NIPBL: variants seen among roughly 807,000 people sequenced by gnomAD.
The protein encoded by NIPBL is nipped-B-like protein.
Under a neutral mutation model 321.8 loss-of-function variants are expected in NIPBL, and 19 were observed. The ratio of observed to expected loss-of-function variants is 0.06; its 90% CI spans 0.04 to 0.09. NIPBL has a LOEUF of 0.09. Ranked by LOEUF, NIPBL falls within the 10% of genes least tolerant of loss-of-function variation. The probability of loss-of-function intolerance (pLI) is 1.00; values close to 1 mark genes in which losing one functional copy is unlikely to be tolerated. For synonymous variants in NIPBL, 1,106 were observed against 1,114.1 expected (o/e 0.99, Z 0.14); for missense variants, 2,210 against 3,327.0 (o/e 0.66, Z 8.26).
intron 1 of NIPBL, among the ~76,000 whole-genome samples, chr5:36,884,000 A>G (rs1745694984): frequency 1.3e-5 from 2 of 152,108 alleles, no homozygotes; most frequent in Admixed American, 6.5e-5. Flanking sequence ...CTGAAATGTC[A>G]TGACCTGAAA....
intron 5 of NIPBL, 51 bp from the exon 6 acceptor site, chr5:36,962,072 G>C (rs536085162): frequency 6.3e-7 from 1 of 1,595,756 alleles, no homozygotes; most frequent in South Asian, 1.1e-5. Flanking sequence ...TCAAGGAATA[G>C]CGTGTTTATT....
intron 1 of NIPBL, among the ~76,000 whole-genome samples, chr5:36,941,947 A>G (rs773355110): frequency 2.0e-5 from 3 of 152,122 alleles, no homozygotes; most frequent in Non-Finnish European, 4.4e-5. Context: ...ATCATCCTTA[A>G]TTTGTATACT....
rs752712476 is a variant in NIPBL at position 37,000,898 on chromosome 5, T to C, written c.3574+10T>C. 1 of 1,604,888 alleles carries C rather than the reference T, an allele frequency of 6.2e-7. No individual in the cohort carries two copies. Among genetic ancestry groups the C allele is most frequent in the South Asian group, 1.1e-5 (1 of 90,880 alleles). ...AAACTAACACCTGAAGGTAACACGT[T>C]AGTTTATTTAATTTGTCTTTATTCA... On this transcript the variant is annotated intron_variant, in intron 13 of 46. Transcript: ENST00000282516.
intron 6 of NIPBL, among the ~76,000 whole-genome samples, chr5:36,967,001 T>G (rs1399987600): frequency 6.6e-6 from 1 of 151,940 alleles, no homozygotes; most frequent in Non-Finnish European, 1.5e-5. Flanking sequence ...AGAACATAAA[T>G]ATATAAATTA....
intron 1 of NIPBL, among the ~76,000 whole-genome samples, chr5:36,901,728 C>T (rs768361778): frequency 7.9e-5 from 12 of 152,082 alleles, no homozygotes; most frequent in Middle Eastern, 3.4e-3. Flanking sequence ...AGGCTGGTCT[C>T]GAACTCCTGA....
chr5:37,021,738 A>T (rs1478148348), intron 27 of NIPBL, among the ~76,000 whole-genome samples: 1 of 152,222 alleles, frequency 6.6e-6, no homozygotes, highest in African/African-American at 2.4e-5. Context: ...TTTGAATGAT[A>T]CTAAATATCT....
At chr5:36,967,364 C>T (rs1742321227) in intron 6 of NIPBL, among the ~76,000 whole-genome samples, 1 of 151,898 alleles carries the variant, frequency 6.6e-6, no homozygotes, top group Non-Finnish European at 1.5e-5. Context: ...ATTCATATAC[C>T]TCACTCAGTA....
chr5:36,992,498 T>G (rs956974572), intron 10 of NIPBL, among the ~76,000 whole-genome samples: 1 of 152,078 alleles, frequency 6.6e-6, no homozygotes, highest in Non-Finnish European at 1.5e-5. Flanking sequence ...TTAAACTGAG[T>G]TAGTTATCCA....
At chr5:36,918,412 A>G (rs1450377753) in intron 1 of NIPBL, among the ~76,000 whole-genome samples, 1 of 152,282 alleles carries the variant, frequency 6.6e-6, no homozygotes, top group Non-Finnish European at 1.5e-5. Flanking sequence ...TATCAGCCTA[A>G]GGAGATTTTG....
At chr5:36,925,414 A>T (rs1749277475) in intron 1 of NIPBL, among the ~76,000 whole-genome samples, 1 of 151,820 alleles carries the variant, frequency 6.6e-6, no homozygotes, top group Non-Finnish European at 1.5e-5. Flanking sequence ...GATTACAGGC[A>T]TGTACCACCA....
intron 42 of NIPBL, among the ~76,000 whole-genome samples, chr5:37,053,133 A>T (rs532608154): frequency 4.6e-5 from 7 of 152,304 alleles, no homozygotes; most frequent in African/African-American, 1.7e-4. Context: ...GGAGAAATGC[A>T]TAGTTAGGCG....
chr5:36,929,143 C>G (rs1749583991), intron 1 of NIPBL, among the ~76,000 whole-genome samples: 1 of 152,132 alleles, frequency 6.6e-6, no homozygotes, highest in African/African-American at 2.4e-5. Flanking sequence ...TCAAGTTTCT[C>G]TACATCTTCA....
chr5:37,013,875 G>T (rs1396116513), intron 21 of NIPBL, among the ~76,000 whole-genome samples: 1 of 152,238 alleles, frequency 6.6e-6, no homozygotes, highest in African/African-American at 2.4e-5. Flanking sequence ...GGTGGAGGTT[G>T]TAGCCAGCCG....
At chr5:37,006,201 T>C (rs1427124965) in intron 16 of NIPBL, among the ~76,000 whole-genome samples, 156 bp from the exon 17 acceptor site, 1 of 152,076 alleles carries the variant, frequency 6.6e-6, no homozygotes, top group African/African-American at 2.4e-5. Context: ...GTGCTCAAAG[T>C]AGTATCAGTA....
At chr5:37,026,723 T>G (rs1368265260) in intron 31 of NIPBL, among the ~76,000 whole-genome samples, 1 of 152,144 alleles carries the variant, frequency 6.6e-6, no homozygotes, top group Non-Finnish European at 1.5e-5. Context: ...AGCTATACAT[T>G]TTGTGTTTTT....
chr5:36,974,325 G>A (rs886423250), intron 8 of NIPBL, among the ~76,000 whole-genome samples: 1 of 152,128 alleles, frequency 6.6e-6, no homozygotes, highest in Admixed American at 6.6e-5. Flanking sequence ...GTTTTGAAGG[G>A]TAAGTGCATT....
Position 37,033,927 on chromosome 5 carries a change from TAACCTTAA to T in NIPBL, c.5863-2449_5863-2442del, listed in dbSNP as rs202091024. Among the ~76,000 whole-genome samples, 49 of 151,384 alleles carry T rather than the reference TAACCTTAA, an allele frequency of 3.2e-4. No individual in the cohort carries two copies. The East Asian group carries it at 8.9e-3, about 28-fold the overall frequency. On this transcript the variant is annotated intron_variant, in intron 32 of 46. Transcript: ENST00000282516. The stretch of plus-strand genomic sequence containing the variant: ...GCCTTAAACAAGTCACAAAAACCAT[TAACCTTAA>T]AAGATTGAAGAAAGTGAAAATACAA...
intron 1 of NIPBL, among the ~76,000 whole-genome samples, chr5:36,946,578 G>GTGTGTGCGTATA (rs1554009091): frequency 6.6e-6 from 1 of 151,054 alleles, no homozygotes; most frequent in East Asian, 1.9e-4. Flanking sequence ...ATGTGTCTGT[G>GTGTGTGCGTATA]TGTGTGTATA....
intron 3 of NIPBL, among the ~76,000 whole-genome samples, chr5:36,956,336 CCA>C (rs1393151456): frequency 1.3e-5 from 2 of 152,090 alleles, no homozygotes; most frequent in Non-Finnish European, 2.9e-5. Flanking sequence ...TCATATTCCA[CCA>C]CACAATGTTA....
Sources: gnomAD v4.1 joint callset for allele counts (sites outside exome capture counted in the v4.1 genomes callset) on GRCh38, gnomAD v4.1.1 for gene constraint, MANE v1.5 for transcripts, NCBI Gene and HGNC (gene_info 2026-07-23, HGNC 2026-07-21) for gene names.